ABCB5: variants seen among roughly 807,000 people sequenced by gnomAD.
The protein encoded by ABCB5 is ATP binding cassette subfamily B member 5, also known as ATP-binding cassette sub-family B member 5.
A neutral mutation model predicts 144.2 loss-of-function variants in ABCB5; 155 were observed. The ratio of observed to expected loss-of-function variants is 1.08; its 90% CI spans 0.94 to 1.23. The LOEUF (loss-of-function observed/expected upper bound fraction) is 1.23, where lower values mean the gene tolerates loss of function less well. Among genes scored for constraint, ABCB5 ranks in the 50% most tolerant of loss-of-function variants. The probability of loss-of-function intolerance (pLI) is 0.00; values close to 1 mark genes in which losing one functional copy is unlikely to be tolerated. For synonymous variants in ABCB5, 610 were observed against 528.6 expected, an observed-to-expected ratio of 1.15 and a Z score of -2.11; for missense variants, 1,830 against 1,520.8, an observed-to-expected ratio of 1.20 and a Z score of -3.38.
At position 20,658,629 on chromosome 7, in the gene ABCB5, G is replaced by A. The variant is rs1464950406; in HGVS notation, c.1660G>A (p.Ala554Thr). The A allele has an allele frequency of 1.2e-6, 2 of 1,614,180 alleles. No individual in the cohort carries two copies. Among genetic ancestry groups the A allele is most frequent in the Admixed American group, 3.3e-5 (2 of 60,024 alleles). The change falls in exon 14 of 28, where the codon GCC (alanine) becomes ACC (threonine). Residue 554 changes from alanine (A) to threonine (T), a missense_variant. Coordinates refer to ENST00000404938, the MANE Select transcript of ABCB5 (RefSeq NM_001163941.2). The part of the protein sequence containing the change: ...KILILDEATS[A>T]LDSESKSAVQ... Reference sequence around the variant, plus strand: ...TCTGATTTTAGATGAGGCTACGTCTGCCCTGGATTCAGAAAGCAAGTCAGC... The same window carrying A: ...TCTGATTTTAGATGAGGCTACGTCTACCCTGGATTCAGAAAGCAAGTCAGC...
chr7:20,670,380 AG>A (rs58729629), intron 14 of ABCB5, among the ~76,000 whole-genome samples: 32,321 of 139,330 alleles, frequency 0.23, 3,842 homozygotes, highest in African/African-American at 0.37. Flanking sequence ...TTCTAAAAAA[AG>A]AAAAAGAAAA....
chr7:20,723,333 C>A, intron 21 of ABCB5, 114 bp downstream of exon 21: 1 of 1,083,378 alleles, frequency 9.2e-7, no homozygotes, highest in Non-Finnish European at 1.3e-6. Context: ...TTAACTTCAT[C>A]TCTTAGGGAT....
At chr7:20,730,289 C>T (rs116931969) in intron 23 of ABCB5, among the ~76,000 whole-genome samples, 4,562 of 152,334 alleles carry the variant, frequency 0.03, 98 homozygotes, top group Middle Eastern at 0.071. Context: ...GCAGGTGGAT[C>T]ACCAAAGGTC....
intron 5 of ABCB5, among the ~76,000 whole-genome samples, chr7:20,633,613 T>A (rs1360110937): frequency 6.6e-6 from 1 of 152,178 alleles, no homozygotes; most frequent in Non-Finnish European, 1.5e-5. Context: ...TTCTTCGTAT[T>A]GGGAATGTTC....
intron 19 of ABCB5, among the ~76,000 whole-genome samples, chr7:20,704,211 G>A (rs894354825): frequency 7.3e-5 from 11 of 151,108 alleles, no homozygotes; most frequent in African/African-American, 2.4e-4. Context: ...CAAGTAGCTG[G>A]GACCACAGGT....
chr7:20,702,652 T>A (rs1215110472), intron 19 of ABCB5, among the ~76,000 whole-genome samples: 19 of 128,516 alleles, frequency 1.5e-4, no homozygotes. Context: ...TTACATATAA[T>A]GGATTTTTTT....
At chr7:20,750,298 A>G (rs937029053) in intron 26 of ABCB5, among the ~76,000 whole-genome samples, 1 of 147,926 alleles carries the variant, frequency 6.8e-6, no homozygotes, top group Admixed American at 6.8e-5. Flanking sequence ...TTGTTTCTGG[A>G]AAGTGAGCAA....
At chr7:20,726,297 G>T (rs1782033316) in intron 21 of ABCB5, among the ~76,000 whole-genome samples, 1 of 144,530 alleles carries the variant, frequency 6.9e-6, no homozygotes, top group African/African-American at 2.5e-5. Flanking sequence ...GTCCTTTTAA[G>T]TTGCTATTTT....
In ABCB5 at chr7:20,736,916, G is replaced by A. The variant is rs143861136; in HGVS notation, c.2868-2067G>A. Among the ~76,000 whole-genome samples, 11 of 152,264 alleles carry A rather than the reference G, an allele frequency of 7.2e-5. No individual in the cohort carries two copies. In the East Asian group the frequency reaches 1.5e-3, roughly 21 times the overall value. On this transcript the variant is annotated intron_variant, in intron 23 of 27. Coordinates refer to ENST00000404938, the MANE Select transcript of ABCB5 (RefSeq NM_001163941.2). ...GAAGATTACTGTCCCTAGGCCGGGC[G>A]CAGTGGCTCATGCCTATAATCCCAG...
At chr7:20,685,931 C>A in intron 16 of ABCB5, 95 bp downstream of exon 16, 1 of 1,269,342 alleles carries the variant, frequency 7.9e-7, no homozygotes, top group South Asian at 1.7e-5. Flanking sequence ...TAAAATATTA[C>A]TTACTGTAGC....
intron 16 of ABCB5, among the ~76,000 whole-genome samples, chr7:20,689,937 C>T (rs979263732): frequency 5.3e-5 from 8 of 152,174 alleles, no homozygotes; most frequent in African/African-American, 1.7e-4. Flanking sequence ...CAATGACTAA[C>T]GACAGGGGTA....
chr7:20,711,466 CT>C (rs145446888), intron 20 of ABCB5, among the ~76,000 whole-genome samples: 67,424 of 135,266 alleles, frequency 0.5, 18,219 homozygotes, highest in East Asian at 0.82. Context: ...TTCTTTCTTT[CT>C]TTTTTTTTTT....
intron 20 of ABCB5, among the ~76,000 whole-genome samples, chr7:20,718,037 GAC>G (rs1781741596): frequency 6.7e-6 from 1 of 149,690 alleles, no homozygotes; most frequent in South Asian, 2.1e-4. Context: ...GAGTAGCTGG[GAC>G]TACAGGCGCC....
intron 14 of ABCB5, among the ~76,000 whole-genome samples, chr7:20,674,521 G>A (rs1157516743): frequency 6.6e-6 from 1 of 151,680 alleles, no homozygotes; most frequent in Non-Finnish European, 1.5e-5. Context: ...TTGAAGTTAA[G>A]TTGCTATCAG....
At chr7:20,628,977 C>A in intron 4 of ABCB5, 139 bp downstream of exon 4, 1 of 988,522 alleles carries the variant, frequency 1.0e-6, no homozygotes, top group Non-Finnish European at 1.4e-6. Context: ...TTTATTCTGC[C>A]ATATTGCTGG....
intron 14 of ABCB5, among the ~76,000 whole-genome samples, chr7:20,662,594 G>A (rs886774378): frequency 6.6e-6 from 1 of 152,220 alleles, no homozygotes; most frequent in Non-Finnish European, 1.5e-5. Flanking sequence ...GTTGGGAACA[G>A]AAAGGGAATT....
In ABCB5 at chr7:20,697,569, A is replaced by C. The variant is rs1451498214; in HGVS notation, c.2011-838A>C. 2.0e-5 allele frequency among the ~76,000 whole-genome samples: 3 copies of C among 152,162 alleles called. No homozygotes were observed. In the South Asian group the frequency reaches 6.2e-4, roughly 31 times the overall value. ...TATTATTTATCCTCTGACCACTGTG[A>C]CCACTACCTCCCCTTGTCACCTTCC... On this transcript the variant is annotated intron_variant, in intron 16 of 27. Transcript: ENST00000404938.
At chr7:20,625,374 T>G (rs1783886962) in intron 2 of ABCB5, among the ~76,000 whole-genome samples, 1 of 151,786 alleles carries the variant, frequency 6.6e-6, no homozygotes, top group Non-Finnish European at 1.5e-5. Context: ...TTTCAGAATT[T>G]TGCGCGTGCA....
rs529715080 is a variant in ABCB5 at position 20,672,812 on chromosome 7, A to C, written c.1708-8693A>C. On this transcript the variant is annotated intron_variant, in intron 14 of 27. Coordinates refer to ENST00000404938, the MANE Select transcript of ABCB5 (RefSeq NM_001163941.2). ...CTTTTCTACACTGATTTTTCTTGGC[A>C]CCTTTGTAAAAAATCAGTTGTTCAT... 6.6e-5 allele frequency among the ~76,000 whole-genome samples: 10 copies of C among 152,000 alleles called. No individual in the cohort carries two copies. The South Asian group carries it at 2.1e-3, about 32-fold the overall frequency.
Sources: allele counts gnomAD v4.1 joint callset (sites outside exome capture counted in the v4.1 genomes callset), GRCh38; gene constraint gnomAD v4.1.1; transcripts MANE v1.5; gene names NCBI Gene and HGNC (gene_info 2026-07-23, HGNC 2026-07-21).